Variants in IPMK observed in about 807,000 individuals in gnomAD.
The protein encoded by IPMK is inositol 1,3,4,6-tetrakisphosphate 5-kinase.
In IPMK, 17 loss-of-function variants were observed where a neutral mutation model predicts 45.8. The observed-to-expected ratio is 0.37, with a 90% CI of 0.25 to 0.56. The LOEUF is 0.56. IPMK is among the 20% of genes least tolerant of loss of function. The pLI, the probability that IPMK is intolerant of heterozygous loss-of-function variation, is 0.79. For synonymous variants in IPMK, 180 were observed against 184.3 expected, an observed-to-expected ratio of 0.98 and a Z score of 0.19; for missense variants, 399 against 498.0, an observed-to-expected ratio of 0.80 and a Z score of 1.89.
chr10:58,240,470 T>C (rs1485380389), intron 1 of IPMK, among the ~76,000 whole-genome samples: 1 of 151,850 alleles, frequency 6.6e-6, no homozygotes, highest in African/African-American at 2.4e-5. Context: ...GAAAAGAGAA[T>C]GGGCCAGAGA....
At chr10:58,214,234 TTAGA>T (rs754023875) in intron 4 of IPMK, among the ~76,000 whole-genome samples, 5 of 152,134 alleles carry the variant, frequency 3.3e-5, no homozygotes, top group Non-Finnish European at 5.9e-5. Flanking sequence ...GGAACTGTCC[TTAGA>T]TAGGAGGACG....
intron 4 of IPMK, among the ~76,000 whole-genome samples, chr10:58,201,395 T>A (rs1454009723): frequency 6.6e-6 from 1 of 152,202 alleles, no homozygotes; most frequent in African/African-American, 2.4e-5. Context: ...AACTTAAGTA[T>A]CTGTTACAGT....
Position 58,220,476 on chromosome 10 carries a change from G to A in IPMK, c.374-4159C>T, listed in dbSNP as rs549003656. 1.8e-4 allele frequency among the ~76,000 whole-genome samples: 28 copies of A among 152,290 alleles called. No individual in the cohort carries two copies. In the South Asian group the frequency reaches 5.8e-3, roughly 32 times the overall value. ...AACTGCTTTAGAAGAAGAAAAAGGA[G>A]GCTCAAATCTCAACTCTATAATTTG... is the stretch of plus-strand genomic sequence containing the variant. On this transcript the variant is annotated intron_variant, in intron 3 of 5. Transcript: ENST00000373935.
chr10:58,203,709 A>G (rs1366254468), intron 4 of IPMK, among the ~76,000 whole-genome samples: 1 of 152,232 alleles, frequency 6.6e-6, no homozygotes, highest in Non-Finnish European at 1.5e-5. Flanking sequence ...TGAAATGACA[A>G]TGAACAATTT....
At chr10:58,203,359 C>T (rs988982381) in intron 4 of IPMK, among the ~76,000 whole-genome samples, 1 of 152,250 alleles carries the variant, frequency 6.6e-6, no homozygotes, top group Non-Finnish European at 1.5e-5. Context: ...CTCTGTCACC[C>T]AGGCTGGAGT....
intron 1 of IPMK, among the ~76,000 whole-genome samples, chr10:58,263,294 TG>T (rs768850008): frequency 6.6e-6 from 1 of 151,194 alleles, no homozygotes; most frequent in Non-Finnish European, 1.5e-5. Flanking sequence ...CAGGCAGAGG[TG>T]GGTGGATCAC....
intron 4 of IPMK, among the ~76,000 whole-genome samples, chr10:58,201,964 T>C (rs1284483627): frequency 6.6e-6 from 1 of 152,220 alleles, no homozygotes; most frequent in Admixed American, 6.5e-5. Context: ...TAAGACTCTC[T>C]TCAATTCTAT....
rs753050298 is a variant in IPMK at position 58,211,901 on chromosome 10, C to CAAAA, written c.546+4240_546+4243dup. On this transcript the variant is annotated intron_variant, in intron 4 of 5. Coordinates refer to ENST00000373935, the MANE Select transcript of IPMK (RefSeq NM_152230.5). ...CACTCCAGCCTGGGTGACATCTCAC[C>CAAAA]AAAAAAAAAAAAAAAAAAAAAAAAT... is the stretch of plus-strand genomic sequence containing the variant. Among the ~76,000 whole-genome samples, 301 of 50,238 alleles carry CAAAA rather than the reference C, an allele frequency of 6.0e-3. 9 individuals are homozygous for CAAAA. The highest frequency in any genetic ancestry group is 0.015 in the African/African-American group (166 of 10,990). 33.0% of individuals were successfully genotyped at this position (50,238 alleles called of 152,430 possible). A position where few individuals can be genotyped will look rare whatever the true frequency, so the allele number is the denominator to read the frequency against.
At chr10:58,250,617 T>C (rs1355305623) in intron 1 of IPMK, among the ~76,000 whole-genome samples, 1 of 152,196 alleles carries the variant, frequency 6.6e-6, no homozygotes, top group East Asian at 1.9e-4. Flanking sequence ...TCATGTTGTC[T>C]GCAAACAAGT....
intron 1 of IPMK, among the ~76,000 whole-genome samples, chr10:58,238,584 T>C (rs145887742): frequency 1.9e-4 from 29 of 152,338 alleles, no homozygotes; most frequent in African/African-American, 7.0e-4. Context: ...AATAAACATA[T>C]TTAGAATTTC....
intron 4 of IPMK, among the ~76,000 whole-genome samples, chr10:58,211,625 C>T (rs1838160580): frequency 6.6e-6 from 1 of 151,774 alleles, no homozygotes; most frequent in African/African-American, 2.4e-5. Context: ...TTGGGATTGC[C>T]CAGGATCACT....
chr10:58,230,360 C>T (rs1347338390), intron 2 of IPMK, among the ~76,000 whole-genome samples: 2 of 152,232 alleles, frequency 1.3e-5, no homozygotes, highest in East Asian at 3.9e-4. Context: ...CAAGTGGGTC[C>T]CTGACCCCCG....
At chr10:58,232,779 G>A (rs546799579) in intron 2 of IPMK, among the ~76,000 whole-genome samples, 1 of 152,244 alleles carries the variant, frequency 6.6e-6, no homozygotes, top group South Asian at 2.1e-4. Context: ...AACTAGAGAA[G>A]CAAGAGCAAA....
chr10:58,212,900 C>A lies in IPMK; in HGVS notation c.546+3245G>T. On this transcript the variant is annotated intron_variant, in intron 4 of 5. Coordinates refer to ENST00000373935, the MANE Select transcript of IPMK (RefSeq NM_152230.5). The stretch of plus-strand genomic sequence containing the variant: ...GAGGCATTTCCGCCAATGAGCAAGT[C>A]ATCAGTGTTACCCTCTGTCCTACTG... 1.3e-5 allele frequency: 3 copies of A among 234,718 alleles called. No homozygotes were observed. The South Asian group carries it at 2.2e-4, about 17-fold the overall frequency. 14.5% of individuals were successfully genotyped at this position (234,718 alleles called of 1,614,324 possible).
chr10:58,259,603 T>A (rs1193131529), intron 1 of IPMK, among the ~76,000 whole-genome samples: 1 of 144,216 alleles, frequency 6.9e-6, no homozygotes, highest in East Asian at 2.0e-4. Context: ...GAGTCTGAGG[T>A]GGGTGGATCG....
At chr10:58,258,745 G>A (rs998629771) in intron 1 of IPMK, among the ~76,000 whole-genome samples, 2 of 152,110 alleles carry the variant, frequency 1.3e-5, no homozygotes, top group African/African-American at 4.8e-5. Flanking sequence ...AGGGAAATGG[G>A]CAGTTTTAAA....
chr10:58,238,444 A>G (rs1469843089), intron 1 of IPMK, among the ~76,000 whole-genome samples: 2 of 152,170 alleles, frequency 1.3e-5, no homozygotes, highest in Non-Finnish European at 2.9e-5. Context: ...CTTTTTATGA[A>G]GTCATCATAT....
Position 58,216,133 on chromosome 10 carries a change from A to T in IPMK, c.546+12T>A. On this transcript the variant is annotated intron_variant, in intron 4 of 5. Transcript: ENST00000373935. ...AGAGAAATGTGCATATTATACTAATAAGCACTCTTACCCTCATGCCAAGCA... is the reference window on the plus strand; with the variant it reads ...AGAGAAATGTGCATATTATACTAATTAGCACTCTTACCCTCATGCCAAGCA... 1.3e-6 allele frequency: 2 copies of T among 1,561,822 alleles called. No homozygotes were observed. The highest frequency in any genetic ancestry group is 8.7e-7 in the Non-Finnish European group (1 of 1,154,814).
rs1273132119 is a variant in IPMK at position 58,195,971 on chromosome 10, G to GTC, written c.*103_*104dup. On this transcript the variant is annotated 3_prime_UTR_variant, in exon 6 of 6. Transcript: ENST00000373935. ...CCAAAAGTATAAAGACAAATAAAAT[G>GTC]TCGACTCATAATACAAATTTTTTAC... 3.4e-5 allele frequency: 36 copies of GTC among 1,050,342 alleles called. No individual in the cohort carries two copies. The highest frequency in any genetic ancestry group is 4.5e-5 in the Non-Finnish European group (32 of 718,156). The allele number at this position is 1,050,342 out of a possible 1,614,324, so 65.1% of individuals were successfully genotyped here. A position where few individuals can be genotyped will look rare whatever the true frequency, so the allele number is the denominator to read the frequency against.
Sources: allele counts gnomAD v4.1 joint callset (sites outside exome capture counted in the v4.1 genomes callset), GRCh38; gene constraint gnomAD v4.1.1; transcripts MANE v1.5; gene names NCBI Gene and HGNC (gene_info 2026-07-23, HGNC 2026-07-21).